The following PRKCH variants were observed in gnomAD, a reference collection of about 807,000 sequenced individuals.
The protein encoded by PRKCH is protein kinase C eta type.
In PRKCH, 28 loss-of-function variants were observed where a neutral mutation model predicts 82.5. That is an observed-to-expected ratio of 0.34 (90% CI 0.25 to 0.47). The LOEUF (loss-of-function observed/expected upper bound fraction) is 0.47, where lower values mean the gene tolerates loss of function less well. Among genes scored for constraint, PRKCH ranks in the 20% least tolerant of loss-of-function variants. PRKCH has a pLI of 1.00. For missense variants in PRKCH, 705 were observed against 881.8 expected (o/e 0.80, Z 2.54); for synonymous variants, 322 against 327.4 (o/e 0.98, Z 0.18).
chr14:61,413,058 C>A (rs1566867501), intron 2 of PRKCH, among the ~76,000 whole-genome samples: 4 of 152,086 alleles, frequency 2.6e-5, no homozygotes, highest in Admixed American at 1.3e-4. Flanking sequence ...AAAAAAAATT[C>A]TTCACCTGAT....
intron 9 of PRKCH, among the ~76,000 whole-genome samples, chr14:61,465,871 T>C (rs905738634): frequency 2.0e-5 from 3 of 152,238 alleles, no homozygotes; most frequent in Non-Finnish European, 2.9e-5. Context: ...ATGTATTGTT[T>C]ATTGCACGTG....
chr14:61,453,455 C>G (rs933991083), intron 7 of PRKCH, 102 bp downstream of exon 7: 13 of 1,291,542 alleles, frequency 1.0e-5, no homozygotes, highest in Admixed American at 8.3e-5. Context: ...CTAATCTTAG[C>G]AAATACAATA....
chr14:61,344,891 A>C (rs1021719989), intron 1 of PRKCH, among the ~76,000 whole-genome samples: 1 of 152,074 alleles, frequency 6.6e-6, no homozygotes, highest in Non-Finnish European at 1.5e-5. Flanking sequence ...CCCGGTGGCC[A>C]CCCTGAACCC....
At chr14:61,488,888 G>T (rs920414555) in intron 10 of PRKCH, among the ~76,000 whole-genome samples, 1 of 152,144 alleles carries the variant, frequency 6.6e-6, no homozygotes, top group African/African-American at 2.4e-5. Flanking sequence ...TCTGAGAATT[G>T]ATTTTAATTT....
chr14:61,509,144 C>G (rs1038472321), intron 10 of PRKCH, among the ~76,000 whole-genome samples: 2 of 152,160 alleles, frequency 1.3e-5, no homozygotes, highest in Admixed American at 1.3e-4. Flanking sequence ...CATTCCCTCT[C>G]CAAGGTGCCA....
chr14:61,202,843 T>G (rs2044493025), intron 1 of PRKCH, among the ~76,000 whole-genome samples: 1 of 152,158 alleles, frequency 6.6e-6, no homozygotes, highest in Non-Finnish European at 1.5e-5. Context: ...GTCATACATT[T>G]GTTATATTGA....
rs186075425 is a variant in PRKCH at position 61,300,235 on chromosome 14, C to T, written c.-19+112567C>T. On this transcript the variant is annotated intron_variant, in intron 1 of 3. Transcript: ENST00000555185. ...GTTTTCTTTCTCGGGTTTTGGAATA[C>T]TTCTGTAGGATATGTTTTCTTAGAT... Among the ~76,000 whole-genome samples, 4 of 152,046 alleles carry T rather than the reference C, an allele frequency of 2.6e-5. No homozygotes were observed. The East Asian group carries it at 7.7e-4, about 29-fold the overall frequency.
intron 1 of PRKCH, among the ~76,000 whole-genome samples, chr14:61,346,805 G>A (rs1376806278): frequency 1.3e-5 from 2 of 152,202 alleles, no homozygotes; most frequent in Non-Finnish European, 2.9e-5. Flanking sequence ...TCTGTTTAAT[G>A]TGGACTTGAT....
chr14:61,318,160 A>G (rs1594907412), upstream of PRKCH, among the ~76,000 whole-genome samples: 1 of 149,728 alleles, frequency 6.7e-6, no homozygotes, highest in African/African-American at 2.5e-5. Flanking sequence ...TACAGTCTCA[A>G]CCTCCCAGGC....
At chr14:61,261,200 C>T (rs1258397604) in intron 1 of PRKCH, among the ~76,000 whole-genome samples, 1 of 152,202 alleles carries the variant, frequency 6.6e-6, no homozygotes, top group Non-Finnish European at 1.5e-5. Flanking sequence ...CGCACACACG[C>T]ACATGCACAT....
At chr14:61,286,330 T>TC (rs11455805) in intron 1 of PRKCH, among the ~76,000 whole-genome samples, 118,829 of 152,168 alleles carry the variant, frequency 0.78, 47,406 homozygotes, top group Middle Eastern at 0.86. Flanking sequence ...CCAGCAGACT[T>TC]CTGTTTCAAA....
At chr14:61,471,974 C>T (rs1421029244) in intron 9 of PRKCH, among the ~76,000 whole-genome samples, 5 of 152,068 alleles carry the variant, frequency 3.3e-5, no homozygotes, top group African/African-American at 4.8e-5. Context: ...AAAATATAAG[C>T]GTTATTTTTT....
At chr14:61,256,143 C>T (rs911368889) in intron 1 of PRKCH, among the ~76,000 whole-genome samples, 4 of 152,100 alleles carry the variant, frequency 2.6e-5, no homozygotes, top group Admixed American at 6.5e-5. Context: ...AATCACAGTT[C>T]CATGACTTGT....
rs112751818 is a variant in PRKCH, at chr14:61,529,878, G to A, written c.1573-529G>A. Among the ~76,000 whole-genome samples, 578 of 143,356 alleles carry A rather than the reference G, an allele frequency of 4.0e-3. 3 individuals carry two copies. Among genetic ancestry groups the A allele is most frequent in the African/African-American group, 0.014 (549 of 39,024 alleles). The allele number at this position is 143,356 out of a possible 152,430, so 94.0% of individuals were successfully genotyped here. ...TATGTAACTAACCTGCACAATGTGC[G>A]CATGTACCCTAAAACTTAAAGTATA... is the stretch of plus-strand genomic sequence containing the variant. On this transcript the variant is annotated intron_variant, in intron 11 of 13. Transcript: ENST00000332981.
At chr14:61,395,482 T>C (rs1370834830) in intron 2 of PRKCH, among the ~76,000 whole-genome samples, 4 of 151,932 alleles carry the variant, frequency 2.6e-5, no homozygotes, top group African/African-American at 9.7e-5. Context: ...GGAAAAGCAG[T>C]GTAAGGTCAG....
intron 9 of PRKCH, among the ~76,000 whole-genome samples, chr14:61,484,291 C>CT (rs71449556): frequency 0.048 from 4,168 of 86,372 alleles, 400 homozygotes; most frequent in African/African-American, 0.16. Flanking sequence ...GCTTGTGTCA[C>CT]TTTTTTTTTT....
chr14:61,471,988 T>C (rs1414263246), intron 9 of PRKCH, among the ~76,000 whole-genome samples: 1 of 152,182 alleles, frequency 6.6e-6, no homozygotes, highest in African/African-American at 2.4e-5. Flanking sequence ...ATTTTTTTTC[T>C]GAGTTTGTAG....
chr14:61,373,005 C>T (rs1267612732), intron 1 of PRKCH, among the ~76,000 whole-genome samples: 2 of 151,940 alleles, frequency 1.3e-5, no homozygotes, highest in Non-Finnish European at 2.9e-5. Flanking sequence ...GCCAGTTGCA[C>T]CTGCTGAGAG....
Position 61,550,883 on chromosome 14 carries a change from CA to C in PRKCH, c.*1053del, listed in dbSNP as rs1272052311. 2 of 152,160 alleles carry C rather than the reference CA, an allele frequency of 1.3e-5. No individual in the cohort carries two copies. The highest frequency in any genetic ancestry group is 2.9e-5 in the Non-Finnish European group (2 of 68,024). 9.4% of individuals were successfully genotyped at this position (152,160 alleles called of 1,614,324 possible). On this transcript the variant is annotated 3_prime_UTR_variant, in exon 14 of 14. Coordinates refer to ENST00000332981, the MANE Select transcript of PRKCH (RefSeq NM_006255.5). ...AATAATTAGAAATGGATCTTGTAAA[CA>C]GGGCATATATCAAAGATGACCTTAT...
Sources: allele counts gnomAD v4.1 joint callset (sites outside exome capture counted in the v4.1 genomes callset), GRCh38; gene constraint gnomAD v4.1.1; transcripts MANE v1.5; gene names NCBI Gene and HGNC (gene_info 2026-07-23, HGNC 2026-07-21).